Variants in CSNK2A2IP observed in about 807,000 individuals in gnomAD.
CSNK2A2IP encodes casein kinase 2 subunit alpha' interacting protein, also known as casein kinase II subunit alpha'-interacting protein.
chr3:88,418,463 T>TGTGTGTGTGTGTGTGTGTGCGCGCGC, the CSNK2A2IP span, among the ~76,000 whole-genome samples: 3 of 149,536 alleles, frequency 2.0e-5, no homozygotes, highest in Admixed American at 1.3e-4. Context: ...TGTGTGTGTG[T>TGTGTGTGTGTGTGTGTGTGCGCGCGC]GCGCGCGGGC....
At chr3:88,465,588 C>T in the CSNK2A2IP span, 6 of 1,231,662 alleles carry the variant, frequency 4.9e-6, no homozygotes, top group Non-Finnish European at 6.1e-6. Flanking sequence ...AATCTCAGGA[C>T]AAAATTTCAC....
At chr3:88,354,201 C>A in the CSNK2A2IP span, among the ~76,000 whole-genome samples, 7 of 152,132 alleles carry the variant, frequency 4.6e-5, no homozygotes, top group Non-Finnish European at 1.0e-4. Context: ...AAATAAACTT[C>A]TTTTCTTTAT....
At chr3:88,366,899 C>T in the CSNK2A2IP span, among the ~76,000 whole-genome samples, 1 of 152,038 alleles carries the variant, frequency 6.6e-6, no homozygotes, top group African/African-American at 2.4e-5. Flanking sequence ...GCACTTCTTA[C>T]ATGGCAGCAG....
the CSNK2A2IP span, among the ~76,000 whole-genome samples, chr3:88,359,194 T>C: frequency 6.6e-6 from 1 of 151,890 alleles, no homozygotes; most frequent in Non-Finnish European, 1.5e-5. Context: ...TAATAGTCTC[T>C]ATTGCTCCTT....
the CSNK2A2IP span, among the ~76,000 whole-genome samples, chr3:88,377,391 TGTTAC>T: frequency 2.0e-5 from 3 of 151,864 alleles, no homozygotes; most frequent in Non-Finnish European, 4.4e-5. Flanking sequence ...ATTCTAGCTC[TGTTAC>T]GTCTATAACA....
At chr3:88,369,348 A>G in the CSNK2A2IP span, among the ~76,000 whole-genome samples, 62,537 of 151,736 alleles carry the variant, frequency 0.41, 14,825 homozygotes, top group South Asian at 0.6. Flanking sequence ...TGACAAATTC[A>G]GACTATTTTT....
chr3:88,357,372 A>C, the CSNK2A2IP span, among the ~76,000 whole-genome samples: 1 of 152,098 alleles, frequency 6.6e-6, no homozygotes, highest in Non-Finnish European at 1.5e-5. Context: ...TGCTAAAAAT[A>C]AGTTGACTTT....
the CSNK2A2IP span, among the ~76,000 whole-genome samples, chr3:88,383,651 CTTTT>C: frequency 3.4e-5 from 3 of 88,566 alleles, no homozygotes; most frequent in Admixed American, 2.7e-4. Flanking sequence ...TCTTTTCTTT[CTTTT>C]TTTTTTTTTT....
the CSNK2A2IP span, among the ~76,000 whole-genome samples, chr3:88,353,733 C>T: frequency 1.3e-5 from 2 of 152,064 alleles, no homozygotes; most frequent in African/African-American, 4.8e-5. Flanking sequence ...TAAAAATATG[C>T]TTTATGTGAT....
the CSNK2A2IP span, among the ~76,000 whole-genome samples, chr3:88,437,493 A>G: frequency 6.6e-6 from 1 of 152,246 alleles, no homozygotes; most frequent in East Asian, 1.9e-4. Context: ...TTATGATTAT[A>G]GACCAAGAAG....
At chr3:88,391,680 AAAT>A in the CSNK2A2IP span, among the ~76,000 whole-genome samples, 1 of 152,210 alleles carries the variant, frequency 6.6e-6, no homozygotes, top group Admixed American at 6.5e-5. Flanking sequence ...GAGGCAAGAA[AAAT>A]AATAATTTGT....
At chr3:88,421,044 T>A in the CSNK2A2IP span, among the ~76,000 whole-genome samples, 1 of 152,206 alleles carries the variant, frequency 6.6e-6, no homozygotes, top group Non-Finnish European at 1.5e-5. Flanking sequence ...TTTCTCATTA[T>A]CATGTCCTTT....
At chr3:88,388,165 T>A in the CSNK2A2IP span, among the ~76,000 whole-genome samples, 1 of 152,226 alleles carries the variant, frequency 6.6e-6, no homozygotes, top group Non-Finnish European at 1.5e-5. Flanking sequence ...TTTCTAACAA[T>A]TCCATGACGT....
At chr3:88,414,270 GTTTTTTTT>G in the CSNK2A2IP span, among the ~76,000 whole-genome samples, 10 of 64,100 alleles carry the variant, frequency 1.6e-4, no homozygotes, top group Non-Finnish European at 7.8e-5. Flanking sequence ...TACCAACAAA[GTTTTTTTT>G]TTTTTTTTTT....
At chr3:88,375,141 G>A in the CSNK2A2IP span, among the ~76,000 whole-genome samples, 1 of 151,838 alleles carries the variant, frequency 6.6e-6, no homozygotes, top group Non-Finnish European at 1.5e-5. Context: ...AGCCACATTT[G>A]AATGGTTCAC....
chr3:88,410,536 C>A, the CSNK2A2IP span, among the ~76,000 whole-genome samples: 9 of 151,986 alleles, frequency 5.9e-5, no homozygotes, highest in African/African-American at 2.2e-4. Flanking sequence ...GACAATGGTT[C>A]AACAAATCTT....
chr3:88,457,366 A>G, the CSNK2A2IP span, among the ~76,000 whole-genome samples: 1 of 150,810 alleles, frequency 6.6e-6, no homozygotes, highest in Non-Finnish European at 1.5e-5. Flanking sequence ...CTTTTTTTTT[A>G]TCTATATTTA....
the CSNK2A2IP span, among the ~76,000 whole-genome samples, chr3:88,379,789 A>T: frequency 6.6e-6 from 1 of 152,100 alleles, no homozygotes; most frequent in Non-Finnish European, 1.5e-5. Context: ...GTGTATTAAA[A>T]GTTCTTCAGC....
chr3:88,359,389 A>C, the CSNK2A2IP span, among the ~76,000 whole-genome samples: 1 of 149,196 alleles, frequency 6.7e-6, no homozygotes, highest in South Asian at 2.1e-4. Flanking sequence ...ATCTTTTATT[A>C]TTTTTTTCTT....
Sources: allele counts gnomAD v4.1 joint callset (sites outside exome capture counted in the v4.1 genomes callset), GRCh38; gene constraint gnomAD v4.1.1; transcripts MANE v1.5; gene names NCBI Gene and HGNC (gene_info 2026-07-23, HGNC 2026-07-21).